WDR81: variants seen among roughly 807,000 people sequenced by gnomAD.
WDR81 encodes the protein WD repeat-containing protein 81.
A neutral mutation model predicts 140.8 loss-of-function variants in WDR81; 92 were observed. That is an observed-to-expected ratio of 0.65 (90% CI 0.55 to 0.78). The LOEUF (loss-of-function observed/expected upper bound fraction) is 0.78. Ranked by LOEUF, WDR81 falls within the 30% of genes least tolerant of loss-of-function variation. The probability of loss-of-function intolerance (pLI) is 0.00; values close to 1 mark genes in which losing one functional copy is unlikely to be tolerated. For missense variants in WDR81, 2,502 were observed against 2,636.4 expected (o/e 0.95, Z 1.12); for synonymous variants, 1,183 against 1,156.4 (o/e 1.02, Z -0.47).
chr17:1,724,688 T>C (rs1915090997), upstream of WDR81: 4 of 1,067,808 alleles, frequency 3.7e-6, no homozygotes, highest in African/African-American at 5.0e-5. Context: ...GCTGGGGCGA[T>C]CACGTGACCC....
At position 1,737,982 on chromosome 17, in the gene WDR81, T is replaced by C. The variant is rs3826539; in HGVS notation, c.*297T>C. Reference sequence around the variant, plus strand: ...TGCTACCTTCACTTCTCCCCAGCTCTGCCCTCTGGGTCCACATGAGGACAG... The same window carrying C: ...TGCTACCTTCACTTCTCCCCAGCTCCGCCCTCTGGGTCCACATGAGGACAG... On this transcript the variant is annotated 3_prime_UTR_variant, in exon 10 of 10. Transcript: ENST00000409644. The C allele has an allele frequency of 0.27, 136,118 of 496,356 alleles. 21,214 individuals are homozygous for C. The highest frequency in any genetic ancestry group is 0.52 in the East Asian group (14,245 of 27,628). 30.7% of individuals were successfully genotyped at this position (496,356 alleles called of 1,614,324 possible).
rs746605148 is a variant in WDR81, at chr17:1,725,000, C to T, written c.41C>T (p.Thr14Ile). ...GGGGGGCGGGAAGGCGCTCTCAGAA[C>T]CCCGGCCGGGGGCTGGCATTCCCCG... ...GSGGREGALR[T>I]PAGGWHSPPS... Residue 14 changes from threonine to isoleucine, a missense_variant, in exon 1 of 10, where the codon ACC (threonine) becomes ATC (isoleucine). Transcript: ENST00000409644. The T allele has an allele frequency of 3.1e-5, 45 of 1,468,582 alleles. No individual in the cohort carries two copies. Among genetic ancestry groups the T allele is most frequent in the Admixed American group, 5.1e-5 (2 of 39,018 alleles). 91.0% of individuals were successfully genotyped at this position (1,468,582 alleles called of 1,614,324 possible). A position where few individuals can be genotyped will look rare whatever the true frequency, so the allele number is the denominator to read the frequency against.
chr17:1,730,313 G>A (rs966804422), intron 1 of WDR81, 67 bp from the exon 2 acceptor site: 20 of 1,338,590 alleles, frequency 1.5e-5, no homozygotes, highest in Admixed American at 1.1e-4. Flanking sequence ...GGGTGCCGTG[G>A]GGTGGGGTGG....
In WDR81 at chr17:1,735,438, GA is replaced by G; in HGVS notation, c.5180-131del. On this transcript the variant is annotated intron_variant, in intron 7 of 9. Transcript: ENST00000409644. The surrounding 1 kb of genome is among the most constrained non-coding windows in gnomAD (Gnocchi z 4.2). ...AGCGAGACTCCATCTCAAAAAAAGAGAAACATCTTTAGCATTTTCTAAGGAT... is the reference window on the plus strand; with the variant it reads ...AGCGAGACTCCATCTCAAAAAAAGAGAACATCTTTAGCATTTTCTAAGGAT... 1 of 1,017,116 alleles carries G rather than the reference GA, an allele frequency of 9.8e-7. No individual in the cohort carries two copies. The highest frequency in any genetic ancestry group is 1.8e-5 in the South Asian group (1 of 54,240). 63.0% of individuals were successfully genotyped at this position (1,017,116 alleles called of 1,614,324 possible).
In WDR81 at chr17:1,737,334, C is replaced by T. The variant is rs191004309; in HGVS notation, c.5506-31C>T. ...CCAAGGGTATGCAGAAGGACCCAGG[C>T]TCCTGCTGAGGCTCTCCTCTCCCGG... On this transcript the variant is annotated intron_variant, in intron 9 of 9. Coordinates refer to ENST00000409644, the MANE Select transcript of WDR81 (RefSeq NM_001163809.2). 3.4e-5 allele frequency: 53 copies of T among 1,568,958 alleles called. No homozygotes were observed. In the Admixed American group the frequency reaches 3.8e-4, roughly 11 times the overall value.
chr17:1,725,658 G>T lies in WDR81; in HGVS notation c.699G>T (p.Val233=), dbSNP rs1279048060. The T allele has an allele frequency of 7.1e-6, 11 of 1,546,910 alleles. No individual in the cohort carries two copies. The South Asian group carries it at 1.3e-4, about 18-fold the overall frequency. The stretch of plus-strand genomic sequence containing the variant: ...TGGAGTCGCCGGAGATGCTGTATGT[G>T]GTACACCCTTACGTACAGTTCTCCC... The part of the protein sequence containing the change: ...ALLESPEMLY[V]VHPYVQFSLH... The change falls in exon 1 of 10, where the codon GTG becomes GTT. Residue 233 remains valine (V), a synonymous_variant. Transcript: ENST00000409644.
chr17:1,730,574 C>T (rs62090047), intron 2 of WDR81, 87 bp downstream of exon 2: 364,845 of 1,443,340 alleles, frequency 0.25, 49,888 homozygotes, highest in East Asian at 0.5. Context: ...GGGATCCTTC[C>T]CACCCCTCCC....
In WDR81 at chr17:1,735,849, A is replaced by G; in HGVS notation, c.5325+132A>G. On this transcript the variant is annotated intron_variant, in intron 8 of 9. Coordinates refer to ENST00000409644, the MANE Select transcript of WDR81 (RefSeq NM_001163809.2). This position sits in a 1 kb window ranked among gnomAD's most constrained non-coding sequence, Gnocchi z 4.2. ...GTTAGTTTCTCTTTGGTGCTAGATC[A>G]CCCACAGCCACACATCCTGCGGGGC... 1.4e-6 allele frequency: 2 copies of G among 1,387,154 alleles called. No homozygotes were observed. 85.9% of individuals were successfully genotyped at this position (1,387,154 alleles called of 1,614,324 possible). A position where few individuals can be genotyped will look rare whatever the true frequency, so the allele number is the denominator to read the frequency against.
rs982504565 is a variant in WDR81, at chr17:1,730,456, C to A, written c.3744C>A (p.Asn1248Lys). 1.9e-6 allele frequency: 3 copies of A among 1,613,254 alleles called. No homozygotes were observed. The highest frequency in any genetic ancestry group is 1.3e-5 in the African/African-American group (1 of 75,064). ...PTVASRHVAR[N>K]LLRLLTSCYV... is the part of the protein sequence containing the mutation. The stretch of plus-strand genomic sequence containing the variant: ...TGGCCTCTCGCCACGTGGCCCGGAA[C>A]CTGCTCCGCCTGCTGACGTCTTGTT... Residue 1248 changes from asparagine to lysine, a missense_variant, in exon 2 of 10, where the codon AAC becomes AAA. By Grantham distance (94) the Asn-to-Lys change is moderately conservative. Around this residue, in one of 3 missense-constraint regions of WDR81, gnomAD observed 1,737 missense variants for 1,843.0 expected, o/e 0.94. Transcript: ENST00000409644.
chr17:1,717,409 C>T (rs1914633193), intron 1 of WDR81, among the ~76,000 whole-genome samples: 1 of 152,190 alleles, frequency 6.6e-6, no homozygotes, highest in Non-Finnish European at 1.5e-5. Flanking sequence ...TCCTTCAGCT[C>T]CAAATAGGGG....
intron 1 of WDR81, chr17:1,716,732 A>C (rs1914583455): frequency 7.4e-7 from 1 of 1,353,348 alleles, no homozygotes; most frequent in Non-Finnish European, 1.0e-6. Flanking sequence ...CTTCTTTTAG[A>C]CATTCCCCAA....
upstream of WDR81, chr17:1,724,457 C>T: frequency 1.0e-6 from 1 of 984,406 alleles, no homozygotes; most frequent in Non-Finnish European, 1.2e-6. Context: ...GCCTCCGGGA[C>T]CCGCGCGCTG....
rs1915121061 is a variant in WDR81, at chr17:1,724,964, C to T, written c.5C>T (p.Ala2Val). Reference protein sequence around the residue: MAQGSGGREGAL... With the variant: MVQGSGGREGAL... ...CCCCCGGGCGGCCTGGAGGAGATGGCCCAGGGCAGCGGGGGGCGGGAAGGC... is the reference window on the plus strand; with the variant it reads ...CCCCCGGGCGGCCTGGAGGAGATGGTCCAGGGCAGCGGGGGGCGGGAAGGC... Residue 2 changes from alanine to valine, a missense_variant, in exon 1 of 10, where the codon GCC (alanine) becomes GTC (valine). Physicochemically the swap from Ala to Val is moderately conservative, Grantham distance 64. This residue lies in a region of WDR81 where 547 missense variants were observed against 513.8 expected (regional missense o/e 1.06). Coordinates refer to ENST00000409644, the MANE Select transcript of WDR81 (RefSeq NM_001163809.2). The T allele has an allele frequency of 6.2e-6, 9 of 1,449,284 alleles. No individual in the cohort carries two copies. In the East Asian group the frequency reaches 1.5e-4, roughly 24 times the overall value. The allele number at this position is 1,449,284 out of a possible 1,614,324, so 89.8% of individuals were successfully genotyped here. A position where few individuals can be genotyped will look rare whatever the true frequency, so the allele number is the denominator to read the frequency against.
intron 1 of WDR81, chr17:1,716,809 G>A: frequency 1.4e-6 from 1 of 722,462 alleles, no homozygotes; most frequent in South Asian, 1.8e-5. Flanking sequence ...CCAAGGAGCA[G>A]GAGTGGGCAG....
upstream of WDR81, among the ~76,000 whole-genome samples, chr17:1,723,379 C>A (rs1267069858): frequency 1.3e-5 from 2 of 151,586 alleles, no homozygotes; most frequent in Admixed American, 6.6e-5. Flanking sequence ...TCAGACAGCC[C>A]AGGGTTTCGT....
Position 1,726,249 on chromosome 17 carries a change from C to T in WDR81, c.1290C>T (p.Gly430=), listed in dbSNP as rs747303909. Residue 430 remains glycine (G), a synonymous_variant, in exon 1 of 10, where the codon GGC becomes GGT. Coordinates refer to ENST00000409644, the MANE Select transcript of WDR81 (RefSeq NM_001163809.2). ...TRQAFVAGGA[G]GGEPPHVPHH... is the part of the protein sequence containing the mutation. ...AGGCATTCGTAGCAGGCGGGGCGGG[C>T]GGCGGGGAACCCCCTCATGTTCCCC... 2.6e-5 allele frequency: 39 copies of T among 1,526,744 alleles called. No homozygotes were observed. In the South Asian group the frequency reaches 3.5e-4, roughly 14 times the overall value. The allele number at this position is 1,526,744 out of a possible 1,614,324, so 94.6% of individuals were successfully genotyped here.
Position 1,727,497 on chromosome 17 carries a change from T to G in WDR81, c.2538T>G (p.Phe846Leu), listed in dbSNP as rs1182443077. The change falls in exon 1 of 10, where the codon TTT becomes TTG. Residue 846 changes from phenylalanine to leucine, a missense_variant. Physicochemically the swap from Phe to Leu is conservative, Grantham distance 22. Coordinates refer to ENST00000409644, the MANE Select transcript of WDR81 (RefSeq NM_001163809.2). The part of the protein sequence containing the change: ...GAERGKLDQL[F>L]EYRPVSQGLP... ...AGAGGGGCAAGCTGGACCAACTGTT[T>G]GAGTACAGGCCTGTCTCCCAGGGCC... 6.5e-7 allele frequency: 1 copy of G among 1,550,378 alleles called. No homozygotes were observed. The highest frequency in any genetic ancestry group is 2.0e-5 in the Admixed American group (1 of 51,002).
intron 1 of WDR81, among the ~76,000 whole-genome samples, chr17:1,729,441 C>A (rs1915530304): frequency 6.6e-6 from 1 of 151,988 alleles, no homozygotes; most frequent in Admixed American, 6.6e-5. Context: ...GATCACACCA[C>A]TGCACTGCAG....
Position 1,737,573 on chromosome 17 carries a change from C to A in WDR81, c.5714C>A (p.Thr1905Lys). 9.3e-6 allele frequency: 15 copies of A among 1,612,904 alleles called. No homozygotes were observed. Among genetic ancestry groups the A allele is most frequent in the Non-Finnish European group, 1.3e-5 (15 of 1,179,996 alleles). ...CTTGAGCCACCCTCGCAGGCCACCACGAAGCTCAGCTCTGAGAACTTCCGC... is the reference window on the plus strand; with the variant it reads ...CTTGAGCCACCCTCGCAGGCCACCAAGAAGCTCAGCTCTGAGAACTTCCGC... ...SLLEPPSQATTKLSSENFRGT... is the reference protein window; with the variant it reads ...SLLEPPSQATKKLSSENFRGT... Residue 1905 changes from threonine (T) to lysine (K), a missense_variant, in exon 10 of 10, where the codon ACG becomes AAG. Thr to Lys is a moderately conservative substitution (Grantham distance 78, BLOSUM62 -1). This residue lies in a region of WDR81 where 1,737 missense variants were observed against 1,843.0 expected (regional missense o/e 0.94). Transcript: ENST00000409644.
Sources: gnomAD v4.1 joint callset for allele counts (sites outside exome capture counted in the v4.1 genomes callset) on GRCh38, gnomAD v4.1.1 for gene constraint, gnomAD v4.1.1 regional missense constraint, Gnocchi (gnomAD v3.1) non-coding constraint, MANE v1.5 for transcripts, NCBI Gene and HGNC (gene_info 2026-07-23, HGNC 2026-07-21) for gene names.